Variants in ARHGAP45 observed in about 807,000 individuals in gnomAD.
ARHGAP45 encodes Rho GTPase activating protein 45.
ARHGAP45 carries 56 observed loss-of-function variants against 116.1 expected under a neutral mutation model. The observed-to-expected ratio is 0.48, with a 90% CI of 0.39 to 0.60. The LOEUF (loss-of-function observed/expected upper bound fraction) is 0.60, where lower values mean the gene tolerates loss of function less well. ARHGAP45 is among the 20% of genes least tolerant of loss of function. ARHGAP45 has a pLI of 0.00. For missense variants in ARHGAP45, 1,622 were observed against 1,601.0 expected (o/e 1.01, Z -0.22); for synonymous variants, 866 against 701.7 (o/e 1.23, Z -3.70).
chr19:1,082,097 A>G (rs1440029163), intron 19 of ARHGAP45, 136 bp downstream of exon 19: 3 of 76,034 alleles, frequency 3.9e-5, no homozygotes, highest in Non-Finnish European at 4.8e-5. Context: ...TGGGGAGGAC[A>G]GGGTGGGCGG....
At position 1,080,697 on chromosome 19, in the gene ARHGAP45, T is replaced by A. The variant is rs1211420155; in HGVS notation, c.1928T>A (p.Phe643Tyr). Residue 643 changes from phenylalanine to tyrosine, a missense_variant, in exon 16 of 23, where the codon TTC becomes TAC. Physicochemically the swap from Phe to Tyr is conservative, Grantham distance 22. Transcript: ENST00000313093. ...PGPGAGDFKKFERTSSSGTMS... is the reference protein window; with the variant it reads ...PGPGAGDFKKYERTSSSGTMS... ...TCCCGCCCAGGGGACTTTAAGAAGT[T>A]CGAGCGGACGTCATCCAGTGGTACC... 1.2e-6 allele frequency: 2 copies of A among 1,613,322 alleles called. No homozygotes were observed. The highest frequency in any genetic ancestry group is 2.2e-5 in the East Asian group (1 of 44,888).
At position 1,082,936 on chromosome 19, in the gene ARHGAP45, CG is replaced by C; in HGVS notation, c.2618del (p.Gly873AlafsTer53). 2 of 1,584,498 alleles carry C rather than the reference CG, an allele frequency of 1.3e-6. No individual in the cohort carries two copies. Among genetic ancestry groups the C allele is most frequent in the Non-Finnish European group, 8.6e-7 (1 of 1,168,268 alleles). On this transcript the variant is annotated frameshift_variant, in exon 20 of 23. Transcript: ENST00000313093. LOFTEE classifies it high-confidence loss of function. ...AGAGGCCGAGGCCAAGGCGGCGTCC[CG>C]GGGCCGGCAGGACGGCTCGGAGAGC... Reference protein sequence around the residue: ...KAEAEAKAASRGRQDGSESEA... With the variant: ...KAEAEAKAASXGRQDGSESEA...
chr19:1,077,257 G>A, intron 10 of ARHGAP45: 1 of 985,400 alleles, frequency 1.0e-6, no homozygotes, highest in Middle Eastern at 5.2e-4. Context: ...TGTCTGCAGA[G>A]GCTGCCGTGT....
chr19:1,075,912 C>A (rs563138129), intron 10 of ARHGAP45, among the ~76,000 whole-genome samples: 1 of 152,196 alleles, frequency 6.6e-6, no homozygotes, highest in African/African-American at 2.4e-5. Context: ...CATATCTGCC[C>A]TGTTTTGTAC....
intron 22 of ARHGAP45, 151 bp from the exon 23 acceptor site, chr19:1,085,509 C>CA: frequency 1.8e-6 from 1 of 558,444 alleles, no homozygotes; most frequent in South Asian, 2.1e-5. Flanking sequence ...CTTGTCTCTC[C>CA]TCCATCTCTC....
At chr19:1,074,308 T>G (rs1422261577) in intron 7 of ARHGAP45, 35 bp from the exon 8 acceptor site, 9 of 1,611,870 alleles carry the variant, frequency 5.6e-6, no homozygotes, top group Admixed American at 1.7e-5. Flanking sequence ...GGGAAGGCCT[T>G]GTCCCAGCAC....
At chr19:1,076,101 A>C (rs1457137729) in intron 10 of ARHGAP45, among the ~76,000 whole-genome samples, 1 of 152,076 alleles carries the variant, frequency 6.6e-6, no homozygotes, top group Admixed American at 6.6e-5. Flanking sequence ...GGAGTGGCTG[A>C]GCTGTTGCTG....
rs373703738 is a variant in ARHGAP45 at position 1,068,542 on chromosome 19, C to T, written c.219C>T (p.Ser73=). ...KRPTSLSRHA[S]AAGFPLSGAA... ...CCACCAGCCTGAGCCGCCACGCCAG[C>T]GCGGCTGGCTTCCCCCTGTCGGGTG... Residue 73 remains serine (S), a synonymous_variant, in exon 2 of 23, where the codon AGC becomes AGT. Coordinates refer to ENST00000313093, the MANE Select transcript of ARHGAP45 (RefSeq NM_012292.5). This position sits in a 1 kb window ranked among gnomAD's most constrained non-coding sequence, Gnocchi z 7.5. The T allele has an allele frequency of 1.3e-4, 211 of 1,608,580 alleles. 2 individuals carry two copies. In the South Asian group the frequency reaches 2.1e-3, roughly 16 times the overall value.
chr19:1,085,795 C>T lies in ARHGAP45; in HGVS notation c.3200C>T (p.Ala1067Val). Residue 1067 changes from alanine (A) to valine (V), a missense_variant, in exon 23 of 23, where the codon GCT becomes GTT. Coordinates refer to ENST00000313093, the MANE Select transcript of ARHGAP45 (RefSeq NM_012292.5). ...QQQSEASLEV[A>V]SGSHSGSEEQ... ...CAGAGCGAGGCCAGCCTAGAGGTGG[C>T]TTCTGGCAGCCACAGCGGCAGTGAG... 6.2e-7 allele frequency: 1 copy of T among 1,612,800 alleles called. No homozygotes were observed. The highest frequency in any genetic ancestry group is 1.1e-5 in the South Asian group (1 of 91,078).
In ARHGAP45 at chr19:1,069,454, G is replaced by A. The variant is rs757317218; in HGVS notation, c.421+710G>A. ...CCAGAAACCACAGTGCCAGGGTCATGCCAGGCGCTCTGATCTGCTCCCAGC... is the reference window on the plus strand; with the variant it reads ...CCAGAAACCACAGTGCCAGGGTCATACCAGGCGCTCTGATCTGCTCCCAGC... On this transcript the variant is annotated intron_variant, in intron 2 of 22. Transcript: ENST00000313093. This position sits in a 1 kb window ranked among gnomAD's most constrained non-coding sequence, Gnocchi z 4.1. Among the ~76,000 whole-genome samples, 1 of 152,260 alleles carries A rather than the reference G, an allele frequency of 6.6e-6. No individual in the cohort carries two copies. The highest frequency in any genetic ancestry group is 2.4e-5 in the African/African-American group (1 of 41,464).
chr19:1,066,366 C>A, upstream of ARHGAP45: 3 of 587,234 alleles, frequency 5.1e-6, no homozygotes, highest in Non-Finnish European at 6.0e-6. Flanking sequence ...AGGCTGTTAT[C>A]AGCAACGGGT....
Position 1,078,009 on chromosome 19 carries a change from C to G in ARHGAP45, c.1338C>G (p.Asp446Glu), listed in dbSNP as rs2043307595. The G allele has an allele frequency of 6.4e-7, 1 of 1,553,784 alleles. No homozygotes were observed. ...GAGSTATKTLDKRRRLEEEAK... is the reference protein window; with the variant it reads ...GAGSTATKTLEKRRRLEEEAK... ...GCAGCACGGCCACCAAGACCCTGGA[C>G]AAGCGGCGGCGGCTGGAGGAGGAGG... The change falls in exon 11 of 23, where the codon GAC becomes GAG. Residue 446 changes from aspartate to glutamate, a missense_variant. Physicochemically the swap from Asp to Glu is conservative, Grantham distance 45. Coordinates refer to ENST00000313093, the MANE Select transcript of ARHGAP45 (RefSeq NM_012292.5).
In ARHGAP45 at chr19:1,081,078, C is replaced by T; in HGVS notation, c.2190+14C>T. ...GAGTGTGAAGAGGTGAGTGGGACGC[C>T]CCGACGGACAGCTGGGAGCCTTCGG... On this transcript the variant is annotated intron_variant, in intron 17 of 22. Transcript: ENST00000313093. 6.3e-7 allele frequency: 1 copy of T among 1,593,018 alleles called. No homozygotes were observed. The highest frequency in any genetic ancestry group is 8.5e-7 in the Non-Finnish European group (1 of 1,170,074).
At chr19:1,082,384 A>G in intron 19 of ARHGAP45, 1 of 199,456 alleles carries the variant, frequency 5.0e-6, no homozygotes, top group Non-Finnish European at 9.0e-6. Flanking sequence ...AGGCTAGACA[A>G]GTGCGGGGCT....
intron 11 of ARHGAP45, 138 bp downstream of exon 11, chr19:1,078,183 G>C (rs1018240874): frequency 2.9e-6 from 4 of 1,373,034 alleles, no homozygotes; most frequent in Non-Finnish European, 3.9e-6. Context: ...TTGCTCTGTC[G>C]CCCAGGCTGG....
At chr19:1,080,204 GCTGTCTTGCCCCCCATC>G (rs1158041868) in intron 13 of ARHGAP45, 34 bp from the exon 14 acceptor site, 1 of 1,610,640 alleles carries the variant, frequency 6.2e-7, no homozygotes, top group Non-Finnish European at 8.5e-7. Context: ...TGAAGATGAA[GCTGTCTTGCCCCCCATC>G]ACCTCCCCTC....
intron 6 of ARHGAP45, 27 bp from the exon 7 acceptor site, chr19:1,074,077 G>A: frequency 1.2e-6 from 2 of 1,608,482 alleles, no homozygotes; most frequent in Non-Finnish European, 1.7e-6. Flanking sequence ...GGTCGGGCCA[G>A]GCTGAGCAGG....
Position 1,067,941 on chromosome 19 carries a change from G to C in ARHGAP45, c.90+446G>C, listed in dbSNP as rs533198716. Among the ~76,000 whole-genome samples, 546 of 132,812 alleles carry C rather than the reference G, an allele frequency of 4.1e-3. 16 individuals are homozygous for C. The highest frequency in any genetic ancestry group is 0.015 in the African/African-American group (513 of 33,774). 87.1% of individuals were successfully genotyped at this position (132,812 alleles called of 152,430 possible). ...GTTGGGGAGTGTCCCCAGGCCTGGG[G>C]TGTCTACAAAGCTGGGGGGGGGGTC... On this transcript the variant is annotated intron_variant, in intron 1 of 22. Transcript: ENST00000313093.
In ARHGAP45 at chr19:1,074,123, G is replaced by A. The variant is rs1380966176; in HGVS notation, c.810G>A (p.Glu270=). 6 of 1,612,858 alleles carry A rather than the reference G, an allele frequency of 3.7e-6. No homozygotes were observed. Among genetic ancestry groups the A allele is most frequent in the South Asian group, 1.1e-5 (1 of 91,050 alleles). The part of the protein sequence containing the change: ...DCDAGCLPAE[E]VDVLLQRCEG... ...CTGCAGGCTGCCTGCCCGCCGAGGA[G>A]GTGGACGTGCTGCTACAGCGCTGTG... Residue 270 remains glutamate, a synonymous_variant, in exon 7 of 23, where the codon GAG becomes GAA. Coordinates refer to ENST00000313093, the MANE Select transcript of ARHGAP45 (RefSeq NM_012292.5).
Sources: allele counts gnomAD v4.1 joint callset (sites outside exome capture counted in the v4.1 genomes callset), GRCh38; gene constraint gnomAD v4.1.1; non-coding constraint Gnocchi (gnomAD v3.1); transcripts MANE v1.5; gene names NCBI Gene and HGNC (gene_info 2026-07-23, HGNC 2026-07-21).